SPON1: variants seen among roughly 807,000 people sequenced by gnomAD.
SPON1 encodes the protein spondin 1.
SPON1 carries 52 observed loss-of-function variants against 111.7 expected under a neutral mutation model. The ratio of observed to expected loss-of-function variants is 0.47; its 90% CI spans 0.37 to 0.59. The LOEUF (loss-of-function observed/expected upper bound fraction) is 0.59. Ranked by LOEUF, SPON1 falls within the 20% of genes least tolerant of loss-of-function variation. The probability of loss-of-function intolerance (pLI) is 0.00; values close to 1 mark genes in which losing one functional copy is unlikely to be tolerated. For missense variants in SPON1, 957 were observed against 1,068.5 expected (o/e 0.90, Z 1.46); for synonymous variants, 410 against 395.8 (o/e 1.04, Z -0.43).
In SPON1 at chr11:14,172,129, G is replaced by A. The variant is rs558044578; in HGVS notation, c.825+36561G>A. 3.3e-3 allele frequency among the ~76,000 whole-genome samples: 499 copies of A among 152,042 alleles called. 5 individuals are homozygous for A. The highest frequency in any genetic ancestry group is 0.011 in the African/African-American group (475 of 41,480). ...CCATTATTATTGTGTGGGAGTCTAA[G>A]TCTCTTTGTAGGTCACTAAGGACTT... On this transcript the variant is annotated intron_variant, in intron 6 of 15. Transcript: ENST00000576479.
At chr11:14,069,693 T>A (rs1400317260) in intron 3 of SPON1, among the ~76,000 whole-genome samples, 2 of 152,140 alleles carry the variant, frequency 1.3e-5, no homozygotes, top group Non-Finnish European at 2.9e-5. Context: ...GTGTTCAGCA[T>A]ATGTTTTTGA....
At chr11:14,093,647 T>G (rs1849076339) in intron 5 of SPON1, among the ~76,000 whole-genome samples, 1 of 152,228 alleles carries the variant, frequency 6.6e-6, no homozygotes, top group Non-Finnish European at 1.5e-5. Flanking sequence ...TTCAGCCATC[T>G]TTTCTATTGG....
intron 11 of SPON1, 104 bp downstream of exon 11, chr11:14,258,002 C>T (rs1591429686): frequency 1.8e-6 from 2 of 1,090,854 alleles, no homozygotes; most frequent in Non-Finnish European, 2.5e-6. Flanking sequence ...AGGACCCTGA[C>T]AGTAGATGTC....
chr11:14,219,498 G>A (rs1554937405), intron 6 of SPON1, among the ~76,000 whole-genome samples: 3 of 152,186 alleles, frequency 2.0e-5, no homozygotes, highest in Non-Finnish European at 2.9e-5. Context: ...GTGACCCTGA[G>A]ATCTGGATTT....
chr11:14,000,470 TTGTTCAGCACTGCATC>T (rs1848308529), intron 2 of SPON1, among the ~76,000 whole-genome samples: 1 of 152,236 alleles, frequency 6.6e-6, no homozygotes, highest in African/African-American at 2.4e-5. Flanking sequence ...GGGTATTGCT[TTGTTCAGCACTGCATC>T]TGTTCAGCAC....
chr11:14,174,989 A>G (rs1450183685), intron 6 of SPON1, among the ~76,000 whole-genome samples: 1 of 147,256 alleles, frequency 6.8e-6, no homozygotes, highest in South Asian at 2.2e-4. Flanking sequence ...GCTCTACAAG[A>G]TAGTTCAGAG....
chr11:14,262,278 C>T (rs1221378865), intron 14 of SPON1, among the ~76,000 whole-genome samples: 1 of 152,138 alleles, frequency 6.6e-6, no homozygotes, highest in Non-Finnish European at 1.5e-5. Context: ...AAGGGTCAGC[C>T]GCCTTTAGCT....
intron 6 of SPON1, among the ~76,000 whole-genome samples, chr11:14,238,125 G>T (rs1190598498): frequency 6.6e-6 from 1 of 152,232 alleles, no homozygotes; most frequent in Non-Finnish European, 1.5e-5. Context: ...TGCAAGGTTA[G>T]CAAGATGCTT....
At chr11:14,163,764 G>A (rs1489315070) in intron 6 of SPON1, among the ~76,000 whole-genome samples, 3 of 152,128 alleles carry the variant, frequency 2.0e-5, no homozygotes, top group African/African-American at 4.8e-5. Context: ...TCATGCCCGT[G>A]CTGTGGTGGG....
At chr11:14,047,211 T>C (rs1289528893) in intron 3 of SPON1, among the ~76,000 whole-genome samples, 1 of 152,234 alleles carries the variant, frequency 6.6e-6, no homozygotes, top group African/African-American at 2.4e-5. Context: ...TAGTACAGTA[T>C]TGCATAGTAG....
intron 1 of SPON1, among the ~76,000 whole-genome samples, chr11:13,972,753 T>C (rs1381265379): frequency 6.6e-6 from 1 of 152,222 alleles, no homozygotes; most frequent in Non-Finnish European, 1.5e-5. Flanking sequence ...ATTCTTGTAG[T>C]TTAGGCAGAG....
Position 14,262,978 on chromosome 11 carries a change from A to G in SPON1, c.2260+3A>G, listed in dbSNP as rs1233190112. Reference sequence around the variant, plus strand: ...GTCTGAAGGGGAGCAGTTCCCAGGTATGGCTCCCAAGTGTCAGCCTGGGTG... The same window carrying G: ...GTCTGAAGGGGAGCAGTTCCCAGGTGTGGCTCCCAAGTGTCAGCCTGGGTG... On this transcript the variant is annotated splice_donor_region_variant and intron_variant, in intron 15 of 15. Transcript: ENST00000576479. 1 of 1,601,584 alleles carries G rather than the reference A, an allele frequency of 6.2e-7. No individual in the cohort carries two copies. The highest frequency in any genetic ancestry group is 1.4e-5 in the African/African-American group (1 of 73,698).
intron 6 of SPON1, among the ~76,000 whole-genome samples, chr11:14,240,460 T>C (rs967842041): frequency 6.6e-6 from 1 of 152,218 alleles, no homozygotes; most frequent in Non-Finnish European, 1.5e-5. Context: ...ACACATATGG[T>C]CCCACCATCC....
intron 6 of SPON1, among the ~76,000 whole-genome samples, chr11:14,193,527 T>C (rs943723072): frequency 6.6e-6 from 1 of 152,188 alleles, no homozygotes; most frequent in African/African-American, 2.4e-5. Flanking sequence ...GGGGTGGTCA[T>C]TGGTTTCACT....
chr11:14,071,284 G>T (rs1848873612), intron 3 of SPON1, among the ~76,000 whole-genome samples: 1 of 152,118 alleles, frequency 6.6e-6, no homozygotes, highest in African/African-American at 2.4e-5. Context: ...GCAACCAAGT[G>T]TACCAAAGTC....
chr11:14,218,057 C>T (rs542176699), intron 6 of SPON1, among the ~76,000 whole-genome samples: 1 of 152,178 alleles, frequency 6.6e-6, no homozygotes, highest in Non-Finnish European at 1.5e-5. Flanking sequence ...AACCACTGTT[C>T]TGAGTGTCCA....
chr11:14,229,585 T>G (rs1591419208), intron 6 of SPON1, among the ~76,000 whole-genome samples: 1 of 152,272 alleles, frequency 6.6e-6, no homozygotes, highest in African/African-American at 2.4e-5. Flanking sequence ...TTAACCTCCA[T>G]GCACTGTGAT....
intron 2 of SPON1, among the ~76,000 whole-genome samples, chr11:14,039,233 T>C (rs768543425): frequency 6.6e-6 from 1 of 152,224 alleles, no homozygotes; most frequent in Non-Finnish European, 1.5e-5. Context: ...AGTGAAACTA[T>C]TTCATATGAT....
chr11:14,160,739 A>ATATATATTTATATATATTTATATAT lies in SPON1; in HGVS notation c.825+25171_825+25172insTATATATTTATATATATTTATATAT, dbSNP rs1333343096. ...TATATTTATATATTTATATATATTT[A>ATATATATTTATATATATTTATATAT]ATTTATATATATTTATATATATTTA... On this transcript the variant is annotated intron_variant, in intron 6 of 15. Coordinates refer to ENST00000576479, the MANE Select transcript of SPON1 (RefSeq NM_006108.4). 4.7e-4 allele frequency among the ~76,000 whole-genome samples: 12 copies of ATATATATTTATATATATTTATATAT among 25,290 alleles called. 4 individuals carry two copies. Among genetic ancestry groups the ATATATATTTATATATATTTATATAT allele is most frequent in the Admixed American group, 7.7e-4 (1 of 1,292 alleles). 16.6% of individuals were successfully genotyped at this position (25,290 alleles called of 152,430 possible).
Sources: allele counts gnomAD v4.1 joint callset (sites outside exome capture counted in the v4.1 genomes callset), GRCh38; gene constraint gnomAD v4.1.1; transcripts MANE v1.5; gene names NCBI Gene and HGNC (gene_info 2026-07-23, HGNC 2026-07-21).